Variants in PRKDC observed in about 807,000 individuals in gnomAD.
The protein encoded by PRKDC is protein kinase, DNA-activated, catalytic subunit, also known as DNA-dependent protein kinase catalytic subunit.
A neutral mutation model predicts 486.9 loss-of-function variants in PRKDC; 82 were observed. The ratio of observed to expected loss-of-function variants is 0.17; its 90% CI spans 0.14 to 0.20. The LOEUF is 0.20. Among genes scored for constraint, PRKDC ranks in the 10% least tolerant of loss-of-function variants. PRKDC has a pLI of 1.00. For missense variants in PRKDC, 4,504 were observed against 5,038.2 expected, an observed-to-expected ratio of 0.89 and a Z score of 3.21; for synonymous variants, 1,895 against 1,837.0, an observed-to-expected ratio of 1.03 and a Z score of -0.81.
intron 40 of PRKDC, among the ~76,000 whole-genome samples, chr8:47,871,970 C>T (rs1563777411): frequency 6.6e-6 from 1 of 152,038 alleles, no homozygotes; most frequent in Non-Finnish European, 1.5e-5. Flanking sequence ...CTAATAAGTA[C>T]AAAGAAAACC....
intron 70 of PRKDC, among the ~76,000 whole-genome samples, chr8:47,801,781 T>C (rs564375285): frequency 1.3e-3 from 202 of 152,294 alleles, no homozygotes; most frequent in African/African-American, 4.6e-3. Context: ...TGGCTAAGTC[T>C]GCAGTGTCCA....
intron 11 of PRKDC, among the ~76,000 whole-genome samples, chr8:47,937,115 G>A (rs753181423): frequency 2.7e-5 from 4 of 149,312 alleles, no homozygotes; most frequent in Admixed American, 6.7e-5. Context: ...AAAAAAATTG[G>A]CCAGGCATGG....
chr8:47,896,171 A>G (rs895782857), intron 30 of PRKDC, among the ~76,000 whole-genome samples: 1 of 151,994 alleles, frequency 6.6e-6, no homozygotes, highest in African/African-American at 2.4e-5. Flanking sequence ...TAGCATATAT[A>G]AAATAATCTA....
intron 7 of PRKDC, among the ~76,000 whole-genome samples, chr8:47,949,612 C>T (rs1403775142): frequency 1.3e-5 from 2 of 152,142 alleles, no homozygotes; most frequent in Non-Finnish European, 2.9e-5. Flanking sequence ...AACATATGAC[C>T]TAACAAACTT....
chr8:47,804,337 T>C (rs934571755), intron 69 of PRKDC, among the ~76,000 whole-genome samples: 1 of 151,314 alleles, frequency 6.6e-6, no homozygotes, highest in Non-Finnish European at 1.5e-5. Context: ...TTCACTCTTA[T>C]TGCCCAGGCT....
At position 47,774,149 on chromosome 8, in the gene PRKDC, T is replaced by C; in HGVS notation, c.*24A>G. 1 of 1,551,194 alleles carries C rather than the reference T, an allele frequency of 6.4e-7. No individual in the cohort carries two copies. The highest frequency in any genetic ancestry group is 8.7e-7 in the Non-Finnish European group (1 of 1,147,060). On this transcript the variant is annotated 3_prime_UTR_variant, in exon 86 of 86. Transcript: ENST00000314191. ...AGATTCTTTAAACAATGTAATGCTT[T>C]CTATCTGCAGACTCCCACAGACCTC...
chr8:47,834,438 C>T (rs2087961555), intron 58 of PRKDC, 42 bp from the exon 59 acceptor site: 1 of 1,598,590 alleles, frequency 6.3e-7, no homozygotes, highest in Non-Finnish European at 8.5e-7. Context: ...CAGCATCACC[C>T]AGCTCTGTGC....
Position 47,888,420 on chromosome 8 carries a change from G to A in PRKDC, c.4413+98C>T, listed in dbSNP as rs144908648. The A allele has an allele frequency of 1.2e-3, 1,300 of 1,066,272 alleles. 21 individuals carry two copies. The African/African-American group carries it at 0.017, about 14-fold the overall frequency. 66.1% of individuals were successfully genotyped at this position (1,066,272 alleles called of 1,614,324 possible). ...ATTTCTATAATTCCCATTTCAGCAT[G>A]CTCAATACATAAAGGACTTTTAAGA... On this transcript the variant is annotated intron_variant, in intron 34 of 85. Coordinates refer to ENST00000314191, the MANE Select transcript of PRKDC (RefSeq NM_006904.7).
chr8:47,853,916 T>G (rs1236780203), intron 51 of PRKDC, among the ~76,000 whole-genome samples, 167 bp downstream of exon 51: 1 of 152,176 alleles, frequency 6.6e-6, no homozygotes, highest in Admixed American at 6.5e-5. Flanking sequence ...TCCTCCTGCC[T>G]TGGCCTCTCA....
chr8:47,873,216 A>G (rs2088998499), intron 40 of PRKDC, among the ~76,000 whole-genome samples: 1 of 145,620 alleles, frequency 6.9e-6, no homozygotes, highest in Non-Finnish European at 1.5e-5. Context: ...TGACACAGCA[A>G]GACTCCATCT....
At chr8:47,915,442 T>C (rs1310998074) in intron 22 of PRKDC, 24 bp from the exon 23 acceptor site, 11 of 1,316,866 alleles carry the variant, frequency 8.4e-6, no homozygotes, top group Non-Finnish European at 1.2e-5. Flanking sequence ...CAATTGTATA[T>C]ATGTGATTAC....
In PRKDC at chr8:47,885,085, G is replaced by A. The variant is rs1019327749; in HGVS notation, c.4776+859C>T. 2.6e-5 allele frequency among the ~76,000 whole-genome samples: 4 copies of A among 152,194 alleles called. No individual in the cohort carries two copies. The East Asian group carries it at 7.7e-4, about 29-fold the overall frequency. ...CTGTGCCTTATAATATTTAGGCTTA[G>A]AAATTTGCAAAGCATAAGGGAATAG... On this transcript the variant is annotated intron_variant, in intron 36 of 85. Transcript: ENST00000314191.
At position 47,955,461 on chromosome 8, in the gene PRKDC, C is replaced by CAA. The variant is rs746883720; in HGVS notation, c.399+411_399+412dup. 5.1e-3 allele frequency among the ~76,000 whole-genome samples: 95 copies of CAA among 18,448 alleles called. 4 individuals carry two copies. Among genetic ancestry groups the CAA allele is most frequent in the South Asian group, 8.8e-3 (6 of 684 alleles). 12.1% of individuals were successfully genotyped at this position (18,448 alleles called of 152,430 possible). ...TGGGCGACAGAGCGAGACTCCGTCT[C>CAA]AAAAAAAAAAAAAAAAAAAAAAAAA... On this transcript the variant is annotated intron_variant, in intron 4 of 85. Transcript: ENST00000314191.
intron 69 of PRKDC, among the ~76,000 whole-genome samples, chr8:47,803,934 A>AAC (rs2087162450): frequency 0.033 from 1 of 30 alleles, no homozygotes; most frequent in South Asian, 0.25. Context: ...GCAAGTCTCC[A>AAC]AAAAAAAAAA....
At chr8:47,798,484 T>G in intron 72 of PRKDC, 87 bp from the exon 73 acceptor site, 1 of 1,359,500 alleles carries the variant, frequency 7.4e-7, no homozygotes, top group East Asian at 2.5e-5. Flanking sequence ...CTTTCCCTTT[T>G]TGGCTTGTAT....
intron 67 of PRKDC, among the ~76,000 whole-genome samples, chr8:47,818,633 T>C (rs1166865319): frequency 2.9e-5 from 4 of 136,350 alleles, no homozygotes; most frequent in East Asian, 2.1e-4. Flanking sequence ...GAGATTAACA[T>C]AGCTCCTGAA....
intron 1 of PRKDC, 135 bp from the exon 2 acceptor site, chr8:47,957,566 A>G (rs2090726592): frequency 1.4e-6 from 1 of 700,550 alleles, no homozygotes; most frequent in Admixed American, 2.8e-5. Flanking sequence ...GCTGGAGTGC[A>G]GCGGCGCGAT....
intron 38 of PRKDC, among the ~76,000 whole-genome samples, chr8:47,880,865 C>T (rs2089198305): frequency 6.6e-6 from 1 of 151,608 alleles, no homozygotes; most frequent in South Asian, 2.1e-4. Flanking sequence ...ACCAGCCTGG[C>T]CACTATGGTG....
At chr8:47,866,001 CA>C (rs1447626592) in intron 40 of PRKDC, among the ~76,000 whole-genome samples, 2 of 151,896 alleles carry the variant, frequency 1.3e-5, no homozygotes, top group Non-Finnish European at 2.9e-5. Context: ...ACTAAAAATA[CA>C]AAAATTAGCC....
Sources: allele counts gnomAD v4.1 joint callset (sites outside exome capture counted in the v4.1 genomes callset), GRCh38; gene constraint gnomAD v4.1.1; transcripts MANE v1.5; gene names NCBI Gene and HGNC (gene_info 2026-07-23, HGNC 2026-07-21).